The following CHN1 variants were observed in gnomAD, a reference collection of about 807,000 sequenced individuals.
CHN1 encodes the protein N-chimaerin.
In CHN1, 37 loss-of-function variants were observed where a neutral mutation model predicts 59.5. The ratio of observed to expected loss-of-function variants is 0.62; its 90% CI spans 0.48 to 0.82. The LOEUF is 0.82. Ranked by LOEUF, CHN1 falls within the 40% of genes least tolerant of loss-of-function variation. CHN1 has a pLI of 0.00. For missense variants in CHN1, 469 were observed against 571.0 expected (o/e 0.82, Z 1.82); for synonymous variants, 206 against 200.4 (o/e 1.03, Z -0.24).
At chr2:174,827,940 GAA>G (rs1685745755) in intron 7 of CHN1, among the ~76,000 whole-genome samples, 1 of 152,128 alleles carries the variant, frequency 6.6e-6, no homozygotes, top group African/African-American at 2.4e-5. Context: ...TGACTCATAA[GAA>G]AGAGAGGGTC....
chr2:174,976,077 G>A (rs1278012847), intron 1 of CHN1, among the ~76,000 whole-genome samples: 1 of 116,876 alleles, frequency 8.6e-6, no homozygotes, highest in Non-Finnish European at 1.6e-5. Flanking sequence ...AGTGAGCAGA[G>A]ATCGCGCCAC....
chr2:174,922,153 G>A (rs1689034760), intron 3 of CHN1, among the ~76,000 whole-genome samples: 1 of 152,176 alleles, frequency 6.6e-6, no homozygotes, highest in Non-Finnish European at 1.5e-5. Flanking sequence ...TTAGAGTGGG[G>A]TCAGGCAACT....
At chr2:174,912,922 C>T (rs1024021393) in intron 5 of CHN1, among the ~76,000 whole-genome samples, 1 of 151,972 alleles carries the variant, frequency 6.6e-6, no homozygotes, top group Non-Finnish European at 1.5e-5. Context: ...GTAAGTTACC[C>T]CAGAGATATT....
intron 1 of CHN1, among the ~76,000 whole-genome samples, chr2:174,962,813 G>A (rs185225451): frequency 0.013 from 1,902 of 152,110 alleles, 33 homozygotes; most frequent in African/African-American, 0.043. Flanking sequence ...AGGAGGCTGA[G>A]GCAGGAGAAT....
intron 8 of CHN1, among the ~76,000 whole-genome samples, chr2:174,823,226 AT>A (rs1397129184): frequency 6.6e-6 from 1 of 152,222 alleles, no homozygotes; most frequent in African/African-American, 2.4e-5. Flanking sequence ...TACTTAGTAT[AT>A]TTTTTAGTGT....
At chr2:174,971,484 T>C (rs1010434515) in intron 1 of CHN1, among the ~76,000 whole-genome samples, 1 of 152,180 alleles carries the variant, frequency 6.6e-6, no homozygotes, top group Non-Finnish European at 1.5e-5. Context: ...CTCAATGTTG[T>C]AGAATATAAA....
At chr2:174,964,120 G>A in intron 1 of CHN1, among the ~76,000 whole-genome samples, 1 of 152,130 alleles carries the variant, frequency 6.6e-6, no homozygotes, top group East Asian at 1.9e-4. Flanking sequence ...GGAGAGAGAG[G>A]ATGAAAGAAC....
intron 1 of CHN1, among the ~76,000 whole-genome samples, chr2:175,002,525 T>C (rs1559018219): frequency 6.6e-6 from 1 of 152,216 alleles, no homozygotes; most frequent in African/African-American, 2.4e-5. Flanking sequence ...GCTCCACTTT[T>C]TAAAACTAAG....
chr2:174,930,768 AT>A (rs145852596), intron 3 of CHN1, among the ~76,000 whole-genome samples: 180 of 145,596 alleles, frequency 1.2e-3, no homozygotes, highest in Non-Finnish European at 1.1e-3. Flanking sequence ...ACTATAGCTG[AT>A]TTTTTTTTTT....
intron 1 of CHN1, among the ~76,000 whole-genome samples, chr2:174,988,343 T>C (rs1198594115): frequency 3.7e-5 from 5 of 134,100 alleles, no homozygotes; most frequent in East Asian, 4.2e-4. Context: ...GGCAACAGAG[T>C]GAAACTCCGT....
chr2:174,983,217 GT>G (rs1418663322), intron 1 of CHN1, among the ~76,000 whole-genome samples: 1 of 152,042 alleles, frequency 6.6e-6, no homozygotes, highest in Non-Finnish European at 1.5e-5. Flanking sequence ...TACTTTTTTA[GT>G]TCTTTTTATG....
intron 6 of CHN1, among the ~76,000 whole-genome samples, chr2:174,869,787 T>G (rs1362438803): frequency 1.3e-5 from 2 of 152,190 alleles, no homozygotes; most frequent in Non-Finnish European, 2.9e-5. Context: ...TTTTTCTCAC[T>G]ATGAACTTAG....
chr2:174,948,359 T>C (rs763394436), intron 2 of CHN1, among the ~76,000 whole-genome samples: 1 of 152,230 alleles, frequency 6.6e-6, no homozygotes, highest in Non-Finnish European at 1.5e-5. Context: ...GTCAACTTAC[T>C]CATAGTCCTA....
intron 5 of CHN1, among the ~76,000 whole-genome samples, chr2:174,889,955 A>C (rs1355448759): frequency 1.3e-5 from 2 of 151,516 alleles, no homozygotes; most frequent in Admixed American, 1.3e-4. Flanking sequence ...TGAGAAGGGA[A>C]TCAAACCATA....
At chr2:174,929,214 G>A (rs962170149) in intron 3 of CHN1, among the ~76,000 whole-genome samples, 3 of 152,120 alleles carry the variant, frequency 2.0e-5, no homozygotes, top group African/African-American at 4.8e-5. Flanking sequence ...CACTATCTAC[G>A]ATCAAATTTT....
chr2:174,993,871 A>G (rs1691626885), intron 1 of CHN1, among the ~76,000 whole-genome samples: 1 of 152,226 alleles, frequency 6.6e-6, no homozygotes, highest in South Asian at 2.1e-4. Flanking sequence ...TAAAAATGTT[A>G]ATGTTTAAAC....
intron 5 of CHN1, among the ~76,000 whole-genome samples, chr2:174,891,424 G>A (rs1228931052): frequency 6.6e-6 from 1 of 151,552 alleles, no homozygotes; most frequent in Non-Finnish European, 1.5e-5. Flanking sequence ...ACAAAAATTA[G>A]CTGGGCTTGG....
intron 6 of CHN1, among the ~76,000 whole-genome samples, chr2:174,863,009 C>CA (rs1407385629): frequency 6.6e-6 from 1 of 152,144 alleles, no homozygotes; most frequent in African/African-American, 2.4e-5. Context: ...AAACAACTGA[C>CA]AGTCAATGAT....
chr2:174,916,471 T>C (rs559996281), intron 4 of CHN1, among the ~76,000 whole-genome samples: 1 of 152,338 alleles, frequency 6.6e-6, no homozygotes, highest in Non-Finnish European at 1.5e-5. Context: ...AATGACTCAT[T>C]GCTCAAAAGA....
Sources: gnomAD v4.1 joint callset for allele counts (sites outside exome capture counted in the v4.1 genomes callset) on GRCh38, gnomAD v4.1.1 for gene constraint, MANE v1.5 for transcripts, NCBI Gene and HGNC (gene_info 2026-07-23, HGNC 2026-07-21) for gene names.